R3HDM1: variants seen among roughly 807,000 people sequenced by gnomAD.
R3HDM1 encodes the protein R3H domain-containing protein 1.
Under a neutral mutation model 141.1 loss-of-function variants are expected in R3HDM1, and 46 were observed. That is an observed-to-expected ratio of 0.33 (90% CI 0.26 to 0.42). The LOEUF is 0.42. Among genes scored for constraint, R3HDM1 ranks in the 10% least tolerant of loss-of-function variants. The pLI is 1.00. For synonymous variants in R3HDM1, 435 were observed against 472.9 expected (o/e 0.92, Z 1.04); for missense variants, 1,184 against 1,368.3 (o/e 0.87, Z 2.12).
chr2:135,607,878 A>G, intron 3 of R3HDM1: 3 of 983,462 alleles, frequency 3.1e-6, no homozygotes, highest in Middle Eastern at 5.2e-4. Flanking sequence ...TAGTAAACAA[A>G]CATGGGTATG....
chr2:135,699,510 G>A (rs2073932675), intron 21 of R3HDM1, among the ~76,000 whole-genome samples: 1 of 150,578 alleles, frequency 6.6e-6, no homozygotes, highest in South Asian at 2.1e-4. Context: ...CGAGGACAAG[G>A]AGAGTATAAG....
Position 135,709,448 on chromosome 2 carries a change from C to T in R3HDM1, c.2475C>T (p.Tyr825=), listed in dbSNP as rs1234685594. The T allele has an allele frequency of 1.2e-6, 2 of 1,613,966 alleles. No homozygotes were observed. Among genetic ancestry groups the T allele is most frequent in the Non-Finnish European group, 1.7e-6 (2 of 1,179,998 alleles). ...QQNNLSSSVG[Y]LQHPGSEQVQ... Reference sequence around the variant, plus strand: ...TTTTCCATAGCTCTTCAGTAGGTTACCTGCAACATCCAGGATCAGAACAAG... The same window carrying T: ...TTTTCCATAGCTCTTCAGTAGGTTATCTGCAACATCCAGGATCAGAACAAG... The change falls in exon 22 of 27, where the codon TAC becomes TAT. Residue 825 remains tyrosine (Y), a synonymous_variant. Transcript: ENST00000683871.
rs756421343 is a variant in R3HDM1 at position 135,604,858 on chromosome 2, G to A, written c.13G>A (p.Asp5Asn). ...ATAACCTTTTCTAATGAGGATGTCTGATACTGTTACTGTAAAAGATGAAAC... is the reference window on the plus strand; with the variant it reads ...ATAACCTTTTCTAATGAGGATGTCTAATACTGTTACTGTAAAAGATGAAAC... MRMS[D>N]TVTVKDETAT... The change falls in exon 3 of 27, where the codon GAT becomes AAT. Residue 5 changes from aspartate to asparagine, a missense_variant. Around this residue, in one of 5 missense-constraint regions of R3HDM1, gnomAD observed 192 missense variants for 215.7 expected, o/e 0.89. Transcript: ENST00000683871. 1 of 1,612,096 alleles carries A rather than the reference G, an allele frequency of 6.2e-7. No homozygotes were observed. The highest frequency in any genetic ancestry group is 1.3e-5 in the African/African-American group (1 of 74,986).
chr2:135,699,045 A>AGATAGATAGATAGATAGATAGATAGATT (rs202144929), intron 21 of R3HDM1, among the ~76,000 whole-genome samples: 1 of 129,826 alleles, frequency 7.7e-6, no homozygotes, highest in African/African-American at 3.3e-5. Flanking sequence ...ATAGATAGAT[A>AGATAGATAGATAGATAGATAGATAGATT]AGATAGATAA....
chr2:135,647,957 A>C (rs2064659494), intron 16 of R3HDM1, among the ~76,000 whole-genome samples: 1 of 152,158 alleles, frequency 6.6e-6, no homozygotes, highest in South Asian at 2.1e-4. Context: ...ACATTAATTC[A>C]TACCCTTGGT....
At chr2:135,606,586 AC>A (rs200858030) in intron 3 of R3HDM1, 14,090 of 151,632 alleles carry the variant, frequency 0.093, 906 homozygotes, top group South Asian at 0.31. Context: ...ACATGGTGAA[AC>A]CCTGTCTCTA....
chr2:135,634,846 T>C (rs1322579347), intron 9 of R3HDM1, among the ~76,000 whole-genome samples: 1 of 152,208 alleles, frequency 6.6e-6, no homozygotes, highest in Non-Finnish European at 1.5e-5. Context: ...TATTTCATAT[T>C]TCAAAAGAAT....
At chr2:135,542,490 T>C (rs1473398409) in intron 1 of R3HDM1, among the ~76,000 whole-genome samples, 1 of 152,238 alleles carries the variant, frequency 6.6e-6, no homozygotes, top group Non-Finnish European at 1.5e-5. Flanking sequence ...TAGGTCTTGC[T>C]GTCCTTTCAT....
At chr2:135,547,166 A>G (rs1698863504) in intron 1 of R3HDM1, among the ~76,000 whole-genome samples, 1 of 152,204 alleles carries the variant, frequency 6.6e-6, no homozygotes. Flanking sequence ...GGCATGGGAT[A>G]GAAAACTGAG....
chr2:135,608,272 C>T (rs567515695), intron 3 of R3HDM1, among the ~76,000 whole-genome samples: 5 of 152,092 alleles, frequency 3.3e-5, no homozygotes, highest in South Asian at 2.1e-4. Flanking sequence ...ACCGAGATCA[C>T]GCCACTGCAC....
intron 19 of R3HDM1, among the ~76,000 whole-genome samples, chr2:135,665,859 C>G (rs2067414979): frequency 6.6e-6 from 1 of 152,158 alleles, no homozygotes; most frequent in South Asian, 2.1e-4. Flanking sequence ...GGACCTAATA[C>G]ACCTAAATGC....
chr2:135,649,322 C>A (rs1349878686), intron 16 of R3HDM1: 1 of 152,100 alleles, frequency 6.6e-6, no homozygotes, highest in East Asian at 1.9e-4. Context: ...GCCTCGGCCT[C>A]CCAAAGTGCT....
At chr2:135,712,510 G>A (rs2075767268) in intron 23 of R3HDM1, among the ~76,000 whole-genome samples, 2 of 150,580 alleles carry the variant, frequency 1.3e-5, no homozygotes, top group Non-Finnish European at 2.9e-5. Context: ...GAGCTCAAGC[G>A]GTCCACCTGG....
At chr2:135,687,061 T>C (rs1285910817) in intron 21 of R3HDM1, among the ~76,000 whole-genome samples, 3 of 152,016 alleles carry the variant, frequency 2.0e-5, no homozygotes, top group Non-Finnish European at 4.4e-5. Context: ...TAGCCGGGCA[T>C]GGTGGTGCCG....
At chr2:135,616,883 G>T in intron 5 of R3HDM1, 126 bp downstream of exon 5, 1 of 777,738 alleles carries the variant, frequency 1.3e-6, no homozygotes, top group Non-Finnish European at 2.0e-6. Flanking sequence ...ATAATACTTG[G>T]CACCCAAGAG....
intron 1 of R3HDM1, among the ~76,000 whole-genome samples, chr2:135,594,984 C>A (rs181468592): frequency 1.3e-5 from 2 of 151,816 alleles, no homozygotes; most frequent in African/African-American, 4.8e-5. Flanking sequence ...TACACCCCCC[C>A]CCCTTTTCAA....
chr2:135,702,217 G>GAAAAAAAAAAAAAAAAAAAAAA (rs35183953), intron 21 of R3HDM1, among the ~76,000 whole-genome samples: 1 of 120,858 alleles, frequency 8.3e-6, no homozygotes. Context: ...GTCTCAGGGG[G>GAAAAAAAAAAAAAAAAAAAAAA]AAAAAAAAAA....
intron 18 of R3HDM1, among the ~76,000 whole-genome samples, chr2:135,653,789 G>A (rs2065429040): frequency 6.6e-6 from 1 of 152,162 alleles, no homozygotes; most frequent in Admixed American, 6.5e-5. Context: ...TTAGCTGGGT[G>A]TGGTGGTGCG....
intron 20 of R3HDM1, 94 bp from the exon 21 acceptor site, chr2:135,680,079 C>G (rs1378712360): frequency 7.7e-7 from 1 of 1,306,676 alleles, no homozygotes; most frequent in Non-Finnish European, 1.1e-6. Context: ...GAATTCATCT[C>G]GAAAAAAATA....
Sources: allele counts gnomAD v4.1 joint callset (sites outside exome capture counted in the v4.1 genomes callset), GRCh38; gene constraint gnomAD v4.1.1; regional missense constraint gnomAD v4.1.1; transcripts MANE v1.5; gene names NCBI Gene and HGNC (gene_info 2026-07-23, HGNC 2026-07-21).